ARHGEF38: variants seen among roughly 807,000 people sequenced by gnomAD.
ARHGEF38 encodes the protein Rho guanine nucleotide exchange factor 38, also known as Rho guanine nucleotide exchange factor (GEF) 38.
ARHGEF38 carries 79 observed loss-of-function variants against 79.9 expected under a neutral mutation model. That is an observed-to-expected ratio of 0.99 (90% confidence interval 0.82 to 1.19). The LOEUF (loss-of-function observed/expected upper bound fraction) is 1.19. ARHGEF38 is among the 50% of genes most tolerant of loss of function. ARHGEF38 has a pLI of 0.00. For synonymous variants in ARHGEF38, 366 were observed against 328.3 expected (o/e 1.11, Z -1.24); for missense variants, 962 against 907.2 (o/e 1.06, Z -0.78).
chr4:105,602,131 G>A (rs1158267555), intron 2 of ARHGEF38, among the ~76,000 whole-genome samples: 1 of 152,182 alleles, frequency 6.6e-6, no homozygotes, highest in African/African-American at 2.4e-5. Context: ...CATTGGTTAG[G>A]TGGAGGCAGG....
In ARHGEF38 at chr4:105,644,009, G is replaced by C. The variant is rs149564487; in HGVS notation, c.675-1179G>C. Among the ~76,000 whole-genome samples, 1,400 of 151,246 alleles carry C rather than the reference G, an allele frequency of 9.3e-3. 15 individuals carry two copies. The highest frequency in any genetic ancestry group is 0.031 in the African/African-American group (1,278 of 41,186). On this transcript the variant is annotated intron_variant, in intron 5 of 13. Transcript: ENST00000420470. ...AGCCTCCCAAGTATCTGAGACTACAGGTGCCTGCCACCATGCCTGGCTAAC... is the reference window on the plus strand; with the variant it reads ...AGCCTCCCAAGTATCTGAGACTACACGTGCCTGCCACCATGCCTGGCTAAC...
At chr4:105,577,321 A>C (rs1726553947) in intron 1 of ARHGEF38, among the ~76,000 whole-genome samples, 1 of 133,766 alleles carries the variant, frequency 7.5e-6, no homozygotes, top group Admixed American at 8.8e-5. Flanking sequence ...CTCATTGTTC[A>C]ATTCCCACCT....
At chr4:105,612,445 T>G (rs1728332615) in intron 2 of ARHGEF38, among the ~76,000 whole-genome samples, 1 of 152,128 alleles carries the variant, frequency 6.6e-6, no homozygotes, top group South Asian at 2.1e-4. Context: ...GAATTAATTA[T>G]CCACCTATGA....
chr4:105,649,762 AG>A (rs1730020970), intron 7 of ARHGEF38, among the ~76,000 whole-genome samples: 2 of 152,186 alleles, frequency 1.3e-5, no homozygotes, highest in South Asian at 2.1e-4. Flanking sequence ...CTTAGGTAAA[AG>A]CAGCCCCTTC....
intron 13 of ARHGEF38, among the ~76,000 whole-genome samples, chr4:105,676,373 T>C (rs1174630052): frequency 2.6e-5 from 4 of 152,192 alleles, no homozygotes; most frequent in Admixed American, 2.6e-4. Context: ...GTATCATCTG[T>C]GTGTAGAGTT....
intron 1 of ARHGEF38, among the ~76,000 whole-genome samples, chr4:105,588,092 T>G (rs888667933): frequency 1.3e-5 from 2 of 152,234 alleles, no homozygotes; most frequent in Admixed American, 1.3e-4. Flanking sequence ...CCATTAACTC[T>G]TCTGCTATAT....
intron 5 of ARHGEF38, among the ~76,000 whole-genome samples, chr4:105,639,797 G>A (rs1729545498): frequency 6.6e-6 from 1 of 151,702 alleles, no homozygotes. Flanking sequence ...TTTTAATATT[G>A]AGTATCATTA....
At chr4:105,592,718 C>T (rs1442515856) in intron 2 of ARHGEF38, among the ~76,000 whole-genome samples, 1 of 152,294 alleles carries the variant, frequency 6.6e-6, no homozygotes, top group East Asian at 1.9e-4. Context: ...TTCTTTTCCT[C>T]ACATGTCAAA....
At chr4:105,638,688 C>T (rs959500113) in intron 5 of ARHGEF38, among the ~76,000 whole-genome samples, 1 of 151,692 alleles carries the variant, frequency 6.6e-6, no homozygotes, top group African/African-American at 2.4e-5. Context: ...CATACATTGA[C>T]TAAAATAGGA....
Position 105,561,449 on chromosome 4 carries a change from GGAATA to G in ARHGEF38, c.196+8577_196+8581del, listed in dbSNP as rs1163338378. 5.0e-3 allele frequency: 227 copies of G among 45,506 alleles called. 10 individuals carry two copies. The highest frequency in any genetic ancestry group is 0.011 in the Middle Eastern group (1 of 94). The allele number at this position is 45,506 out of a possible 1,614,324, so 2.8% of individuals were successfully genotyped here. A position where few individuals can be genotyped will look rare whatever the true frequency, so the allele number is the denominator to read the frequency against. On this transcript the variant is annotated intron_variant, in intron 1 of 13. Coordinates refer to ENST00000420470, the MANE Select transcript of ARHGEF38 (RefSeq NM_001242729.2). ...GGAATAGAATAGAATAGAATAGAAT[GGAATA>G]GAATAGAATAGAATAGAATAGAATA...
intron 5 of ARHGEF38, among the ~76,000 whole-genome samples, chr4:105,636,983 T>A (rs1729422831): frequency 6.6e-6 from 1 of 152,126 alleles, no homozygotes; most frequent in South Asian, 2.1e-4. Flanking sequence ...ACAAACACTC[T>A]GAAAGAGGTC....
chr4:105,580,598 A>G (rs759922158), intron 1 of ARHGEF38, among the ~76,000 whole-genome samples: 47 of 152,286 alleles, frequency 3.1e-4, no homozygotes, highest in Non-Finnish European at 5.6e-4. Flanking sequence ...CAAAATTTCA[A>G]GGATTTTTGT....
chr4:105,649,687 C>T (rs1416741890), intron 7 of ARHGEF38, among the ~76,000 whole-genome samples: 7 of 152,144 alleles, frequency 4.6e-5, no homozygotes, highest in Non-Finnish European at 8.8e-5. Flanking sequence ...ATGTTGGTTT[C>T]AGATGGCTTT....
intron 7 of ARHGEF38, among the ~76,000 whole-genome samples, chr4:105,650,598 C>T (rs540270835): frequency 2.7e-4 from 41 of 152,216 alleles, no homozygotes; most frequent in Non-Finnish European, 3.2e-4. Context: ...TGCCACTGCA[C>T]CAAAACCTGG....
At chr4:105,573,733 G>A (rs1317486507) in intron 1 of ARHGEF38, among the ~76,000 whole-genome samples, 1 of 145,600 alleles carries the variant, frequency 6.9e-6, no homozygotes, top group African/African-American at 2.8e-5. Context: ...TAAGTTTTAG[G>A]ATGGGTTTTT....
chr4:105,589,410 T>C lies in ARHGEF38; in HGVS notation c.359T>C (p.Val120Ala), dbSNP rs757602737. ...GATCTAGAGCTGTGTGTTAGGGAAG[T>C]GGTTCAGCCCCTGAGAAATAAAAAG... ...LNDLELCVRE[V>A]VQPLRNKKTD... is the part of the protein sequence containing the mutation. Residue 120 changes from valine to alanine, a missense_variant, in exon 2 of 14, where the codon GTG becomes GCG. By Grantham distance (64) the Val-to-Ala change is moderately conservative. Transcript: ENST00000420470. 6.2e-7 allele frequency: 1 copy of C among 1,612,044 alleles called. No homozygotes were observed. Among genetic ancestry groups the C allele is most frequent in the South Asian group, 1.1e-5 (1 of 90,404 alleles).
At chr4:105,608,956 G>T (rs1728173078) in intron 2 of ARHGEF38, among the ~76,000 whole-genome samples, 1 of 152,014 alleles carries the variant, frequency 6.6e-6, no homozygotes, top group Non-Finnish European at 1.5e-5. Flanking sequence ...TGTTTCACAA[G>T]TTGTCTCTCA....
At chr4:105,653,940 T>C in intron 7 of ARHGEF38, 125 bp from the exon 8 acceptor site, 1 of 445,050 alleles carries the variant, frequency 2.2e-6, no homozygotes, top group Non-Finnish European at 4.0e-6. Flanking sequence ...AGACAGCATG[T>C]CATCAAATGT....
At chr4:105,665,823 C>G (rs559127932) in intron 10 of ARHGEF38, among the ~76,000 whole-genome samples, 3 of 152,306 alleles carry the variant, frequency 2.0e-5, no homozygotes, top group African/African-American at 2.4e-5. Context: ...AGCACAGGCT[C>G]TTAATCAGTG....
Sources: allele counts gnomAD v4.1 joint callset (sites outside exome capture counted in the v4.1 genomes callset), GRCh38; gene constraint gnomAD v4.1.1; transcripts MANE v1.5; gene names NCBI Gene and HGNC (gene_info 2026-07-23, HGNC 2026-07-21).